NAV2: variants seen among roughly 807,000 people sequenced by gnomAD.
NAV2 encodes the protein helicase, APC down-regulated 1.
Under a neutral mutation model 223.2 loss-of-function variants are expected in NAV2, and 54 were observed. That is an observed-to-expected ratio of 0.24 (90% CI 0.19 to 0.30). The LOEUF is 0.30. Ranked by LOEUF, NAV2 falls within the 10% of genes least tolerant of loss-of-function variation. NAV2 has a pLI of 1.00. For missense variants in NAV2, 2,806 were observed against 3,147.5 expected (o/e 0.89, Z 2.60); for synonymous variants, 1,279 against 1,239.3 (o/e 1.03, Z -0.67).
chr11:19,929,331 A>G (rs1239006194), intron 6 of NAV2, among the ~76,000 whole-genome samples: 1 of 152,198 alleles, frequency 6.6e-6, no homozygotes, highest in African/African-American at 2.4e-5. Flanking sequence ...GATCACTGGT[A>G]TGATATCCTA....
intron 11 of NAV2, among the ~76,000 whole-genome samples, chr11:20,028,225 G>A (rs2055305671): frequency 6.6e-6 from 1 of 152,036 alleles, no homozygotes; most frequent in South Asian, 2.1e-4. Flanking sequence ...CTTGTCTTGG[G>A]GTTGTTAAAA....
intron 11 of NAV2, among the ~76,000 whole-genome samples, chr11:20,018,373 A>AT: frequency 6.6e-6 from 1 of 151,550 alleles, no homozygotes; most frequent in South Asian, 2.1e-4. Flanking sequence ...AAAAAAAAAA[A>AT]AGTGAAACTA....
chr11:19,606,537 A>C (rs2046478378), intron 1 of NAV2, among the ~76,000 whole-genome samples: 1 of 151,912 alleles, frequency 6.6e-6, no homozygotes, highest in Non-Finnish European at 1.5e-5. Flanking sequence ...CTTCAGCTAA[A>C]CTCTGCCCAG....
At chr11:19,887,855 G>A (rs576388262) in intron 5 of NAV2, among the ~76,000 whole-genome samples, 15 of 151,948 alleles carry the variant, frequency 9.9e-5, no homozygotes, top group African/African-American at 3.1e-4. Context: ...ACCGCCCCCC[G>A]CCAAACCCCA....
intron 11 of NAV2, among the ~76,000 whole-genome samples, chr11:20,016,021 G>C (rs957977518): frequency 6.6e-6 from 1 of 152,170 alleles, no homozygotes; most frequent in Non-Finnish European, 1.5e-5. Flanking sequence ...AATTCTCTGA[G>C]CGCCGGTTTC....
rs147212727 is a variant in NAV2, at chr11:19,675,140, C to T, written c.76-157344C>T. On this transcript the variant is annotated intron_variant, in intron 1 of 37. Coordinates refer to the NAV2 transcript ENST00000360655. ...GGATCCTTAGCATGGTAAAAAAGGC[C>T]CTGTTCAACTTGGTCCCAACCTTTA... is the stretch of plus-strand genomic sequence containing the variant. Among the ~76,000 whole-genome samples, 480 of 152,234 alleles carry T rather than the reference C, an allele frequency of 3.2e-3. 1 individual carries two copies. The highest frequency in any genetic ancestry group is 6.5e-3 in the Admixed American group (100 of 15,286).
chr11:20,095,887 C>A, intron 30 of NAV2, 120 bp downstream of exon 30: 1 of 744,644 alleles, frequency 1.3e-6, no homozygotes, highest in East Asian at 2.5e-5. Flanking sequence ...CCCTTCCCTA[C>A]ATGTTAATGT....
At chr11:19,881,080 T>G (rs2063177169) in intron 5 of NAV2, among the ~76,000 whole-genome samples, 1 of 152,206 alleles carries the variant, frequency 6.6e-6, no homozygotes, top group Non-Finnish European at 1.5e-5. Flanking sequence ...CACACCTTGA[T>G]ATACCTTTTA....
intron 3 of NAV2, among the ~76,000 whole-genome samples, chr11:19,863,247 C>A (rs1255506272): frequency 6.6e-6 from 1 of 152,202 alleles, no homozygotes; most frequent in Non-Finnish European, 1.5e-5. Flanking sequence ...CATGTCAACT[C>A]CTTTATGTGG....
chr11:19,387,151 C>T (rs1405660080), intron 1 of NAV2, among the ~76,000 whole-genome samples: 6 of 152,196 alleles, frequency 3.9e-5, no homozygotes, highest in East Asian at 1.9e-4. Context: ...TACACATACA[C>T]GAGACAGTTG....
At chr11:19,757,157 T>A (rs2054301859) in intron 1 of NAV2, among the ~76,000 whole-genome samples, 1 of 152,148 alleles carries the variant, frequency 6.6e-6, no homozygotes, top group Non-Finnish European at 1.5e-5. Flanking sequence ...TATTTTAATG[T>A]TGTTTTGAAG....
chr11:19,899,748 G>A (rs2042288102), intron 6 of NAV2, among the ~76,000 whole-genome samples: 2 of 152,158 alleles, frequency 1.3e-5, no homozygotes, highest in Non-Finnish European at 2.9e-5. Flanking sequence ...CATTTGTATT[G>A]ATTTCCATTT....
At chr11:19,872,072 T>C (rs2062547341) in intron 4 of NAV2, among the ~76,000 whole-genome samples, 2 of 152,162 alleles carry the variant, frequency 1.3e-5, no homozygotes, top group Admixed American at 1.3e-4. Flanking sequence ...TGCATTCCTT[T>C]GGGAAAGTGG....
chr11:19,455,286 A>G (rs1590233979), intron 1 of NAV2, among the ~76,000 whole-genome samples: 1 of 152,210 alleles, frequency 6.6e-6, no homozygotes, highest in Admixed American at 6.5e-5. Flanking sequence ...TGCTATGTGG[A>G]AAAGTGATGG....
At chr11:19,377,634 G>A (rs1848685142) in intron 1 of NAV2, among the ~76,000 whole-genome samples, 1 of 151,954 alleles carries the variant, frequency 6.6e-6, no homozygotes, top group South Asian at 2.1e-4. Flanking sequence ...TGTGGACTTG[G>A]CTTGATTATA....
At chr11:20,040,856 C>A (rs1051283451) in intron 12 of NAV2, among the ~76,000 whole-genome samples, 1 of 152,132 alleles carries the variant, frequency 6.6e-6, no homozygotes, top group Non-Finnish European at 1.5e-5. Flanking sequence ...GAGGCTGGGA[C>A]TTTCTCGTTT....
chr11:19,601,389 G>A (rs1297590693), intron 1 of NAV2, among the ~76,000 whole-genome samples: 3 of 151,994 alleles, frequency 2.0e-5, no homozygotes, highest in Non-Finnish European at 4.4e-5. Flanking sequence ...GTGGCCCTCC[G>A]GCCTCCCCTC....
intron 11 of NAV2, among the ~76,000 whole-genome samples, chr11:20,013,861 C>T (rs2053781161): frequency 6.6e-6 from 1 of 152,172 alleles, no homozygotes; most frequent in Admixed American, 6.5e-5. Flanking sequence ...TCTTAGTGGA[C>T]CTCTGGGGTG....
At chr11:19,473,309 G>A (rs578020974) in intron 1 of NAV2, among the ~76,000 whole-genome samples, 30 of 152,062 alleles carry the variant, frequency 2.0e-4, no homozygotes, top group African/African-American at 6.0e-4. Context: ...TGGTACAGAT[G>A]GATGAGTACA....
Sources: gnomAD v4.1 joint callset for allele counts (sites outside exome capture counted in the v4.1 genomes callset) on GRCh38, gnomAD v4.1.1 for gene constraint, MANE v1.5 for transcripts, NCBI Gene and HGNC (gene_info 2026-07-23, HGNC 2026-07-21) for gene names.